TMEM132B: variants seen among roughly 807,000 people sequenced by gnomAD.
TMEM132B encodes the protein transmembrane protein 132B.
TMEM132B carries 18 observed loss-of-function variants against 90.8 expected under a neutral mutation model. The observed-to-expected ratio is 0.20, with a 90% CI of 0.14 to 0.29. The LOEUF is 0.29. Ranked by LOEUF, TMEM132B falls within the 10% of genes least tolerant of loss-of-function variation. TMEM132B has a pLI of 1.00. For synonymous variants in TMEM132B, 504 were observed against 523.3 expected (o/e 0.96, Z 0.50); for missense variants, 1,096 against 1,326.8 (o/e 0.83, Z 2.70).
At chr12:125,332,424 C>A (rs1354867053) in intron 1 of TMEM132B, among the ~76,000 whole-genome samples, 2 of 151,842 alleles carry the variant, frequency 1.3e-5, no homozygotes, top group East Asian at 1.9e-4. Context: ...TATTCTTCAT[C>A]AATTTTTTTT....
intron 3 of TMEM132B, among the ~76,000 whole-genome samples, chr12:125,449,857 G>T (rs1035786207): frequency 2.0e-5 from 3 of 152,146 alleles, no homozygotes; most frequent in African/African-American, 4.8e-5. Context: ...AATTTTAGAA[G>T]TTTTCAAGAG....
chr12:125,513,523 T>C (rs1312781848), intron 3 of TMEM132B, among the ~76,000 whole-genome samples: 1 of 152,230 alleles, frequency 6.6e-6, no homozygotes, highest in Non-Finnish European at 1.5e-5. Context: ...GAGGCTTTAC[T>C]GAGCTGGCAG....
intron 5 of TMEM132B, among the ~76,000 whole-genome samples, chr12:125,635,163 A>G (rs933891882): frequency 9.2e-5 from 14 of 152,212 alleles, no homozygotes; most frequent in East Asian, 5.8e-4. Flanking sequence ...ATTTATTTAT[A>G]CTTTAAACTC....
chr12:125,565,914 C>T (rs1884648325), intron 4 of TMEM132B, among the ~76,000 whole-genome samples: 1 of 152,162 alleles, frequency 6.6e-6, no homozygotes, highest in Admixed American at 6.5e-5. Context: ...AGGGTGGGGC[C>T]TTTGCCAGGG....
chr12:125,613,318 G>A (rs1053889883), intron 5 of TMEM132B, among the ~76,000 whole-genome samples: 6 of 147,082 alleles, frequency 4.1e-5, no homozygotes, highest in Non-Finnish European at 6.0e-5. Context: ...CAGAGTAAAT[G>A]GGATATCCAC....
At chr12:125,588,668 T>C (rs1885234788) in intron 5 of TMEM132B, among the ~76,000 whole-genome samples, 1 of 152,146 alleles carries the variant, frequency 6.6e-6, no homozygotes, top group African/African-American at 2.4e-5. Context: ...GTAGATTTTT[T>C]TAAAAAAATG....
chr12:125,211,749 C>T (rs916212053), intron 1 of TMEM132B, among the ~76,000 whole-genome samples: 3 of 152,252 alleles, frequency 2.0e-5, no homozygotes, highest in Non-Finnish European at 2.9e-5. Context: ...AATGCCTTCT[C>T]TTCCTGGCTT....
At chr12:125,190,618 TAGTGATGGTGATGGTGATG>T (rs1432322358) in intron 1 of TMEM132B, among the ~76,000 whole-genome samples, 1 of 76,300 alleles carries the variant, frequency 1.3e-5, no homozygotes, top group East Asian at 4.2e-4. Context: ...GTGATGGTGA[TAGTGATGGTGATGGTGATG>T]GGGAAGGGGT....
At chr12:125,484,631 G>GTTA (rs1174516134) in intron 3 of TMEM132B, among the ~76,000 whole-genome samples, 1 of 151,912 alleles carries the variant, frequency 6.6e-6, no homozygotes, top group African/African-American at 2.4e-5. Context: ...GAAACTCATT[G>GTTA]TTATTATTAT....
intron 4 of TMEM132B, among the ~76,000 whole-genome samples, chr12:125,576,439 A>C (rs1199741713): frequency 6.6e-6 from 1 of 151,820 alleles, no homozygotes; most frequent in Non-Finnish European, 1.5e-5. Context: ...CTTCATTTCC[A>C]GTTTGGATTC....
intron 1 of TMEM132B, among the ~76,000 whole-genome samples, chr12:125,331,391 C>T (rs1014766182): frequency 6.6e-6 from 1 of 152,214 alleles, no homozygotes; most frequent in Non-Finnish European, 1.5e-5. Flanking sequence ...GGGTCCACGG[C>T]GAAGCCCTGG....
chr12:125,434,654 G>A (rs1012754651), intron 3 of TMEM132B, among the ~76,000 whole-genome samples: 4 of 152,202 alleles, frequency 2.6e-5, no homozygotes, highest in Admixed American at 2.0e-4. Flanking sequence ...TCCATCGAGG[G>A]GTCTCCAGGC....
intron 1 of TMEM132B, among the ~76,000 whole-genome samples, chr12:125,236,144 GTTTGTTTT>G (rs1415642189): frequency 2.9e-5 from 3 of 103,668 alleles, no homozygotes; most frequent in East Asian, 2.5e-4. Flanking sequence ...TTGTTTGTTT[GTTTGTTTT>G]TTTGTTTTTT....
At chr12:125,254,139 A>G (rs542793843) in intron 1 of TMEM132B, among the ~76,000 whole-genome samples, 2 of 152,254 alleles carry the variant, frequency 1.3e-5, no homozygotes, top group South Asian at 4.1e-4. Flanking sequence ...AAAATGCAGA[A>G]ATTAGCTGGG....
chr12:125,338,808 G>GT (rs1315663224), intron 1 of TMEM132B, among the ~76,000 whole-genome samples: 1 of 152,132 alleles, frequency 6.6e-6, no homozygotes, highest in Non-Finnish European at 1.5e-5. Context: ...TTGATAATAG[G>GT]TTTTTTCCTT....
At chr12:125,497,972 G>A (rs1049440341) in intron 3 of TMEM132B, among the ~76,000 whole-genome samples, 3 of 152,136 alleles carry the variant, frequency 2.0e-5, no homozygotes, top group Non-Finnish European at 2.9e-5. Context: ...GACTCTGCTC[G>A]TTGTTGTGAG....
rs1442190526 is a variant in TMEM132B, at chr12:125,630,833, A to T, written c.1438-13243A>T. Among the ~76,000 whole-genome samples, 4 of 152,112 alleles carry T rather than the reference A, an allele frequency of 2.6e-5. No individual in the cohort carries two copies. The East Asian group carries it at 7.7e-4, about 29-fold the overall frequency. On this transcript the variant is annotated intron_variant, in intron 5 of 8. Coordinates refer to ENST00000682704, the MANE Select transcript of TMEM132B (RefSeq NM_001366854.1). ...TTAGCTGACACTTATAAGTGAGAACATGTGGTATTTGGCTTTCTCTTCCTG... is the reference window on the plus strand; with the variant it reads ...TTAGCTGACACTTATAAGTGAGAACTTGTGGTATTTGGCTTTCTCTTCCTG...
intron 5 of TMEM132B, among the ~76,000 whole-genome samples, chr12:125,611,515 A>G (rs1033481464): frequency 6.6e-6 from 1 of 151,992 alleles, no homozygotes; most frequent in African/African-American, 2.4e-5. Flanking sequence ...TTGAGAACTT[A>G]TATTTTTATA....
chr12:125,502,679 A>G (rs527906932), intron 3 of TMEM132B, among the ~76,000 whole-genome samples: 1 of 152,286 alleles, frequency 6.6e-6, no homozygotes, highest in East Asian at 1.9e-4. Flanking sequence ...TCTATTTTTT[A>G]TTTGCGTGTT....
Sources: gnomAD v4.1 joint callset for allele counts (sites outside exome capture counted in the v4.1 genomes callset) on GRCh38, gnomAD v4.1.1 for gene constraint, MANE v1.5 for transcripts, NCBI Gene and HGNC (gene_info 2026-07-23, HGNC 2026-07-21) for gene names.